SCN4B: variants seen among roughly 807,000 people sequenced by gnomAD.
SCN4B encodes the protein sodium voltage-gated channel beta subunit 4.
SCN4B carries 20 observed loss-of-function variants against 19.6 expected under a neutral mutation model. The ratio of observed to expected loss-of-function variants is 1.02; its 90% CI spans 0.72 to 1.48. The LOEUF is 1.48. Among genes scored for constraint, SCN4B ranks in the 40% most tolerant of loss-of-function variants. The pLI is 0.00. For missense variants in SCN4B, 271 were observed against 287.5 expected (o/e 0.94, Z 0.42); for synonymous variants, 127 against 122.8 (o/e 1.03, Z -0.22).
chr11:118,136,046 G>C lies in SCN4B; in HGVS notation c.*981C>G, dbSNP rs896169982. ...GTGATGGAGGGCACGGTGGGGGGGG[G>C]GGAGCGAGCCAATGGGAGGTTGGAG... On this transcript the variant is annotated 3_prime_UTR_variant, in exon 5 of 5. Coordinates refer to ENST00000324727, the MANE Select transcript of SCN4B (RefSeq NM_174934.4). 3 of 434,810 alleles carry C rather than the reference G, an allele frequency of 6.9e-6. No individual in the cohort carries two copies. The highest frequency in any genetic ancestry group is 2.1e-5 in the African/African-American group (1 of 48,738). The allele number at this position is 434,810 out of a possible 1,614,324, so 26.9% of individuals were successfully genotyped here. A position where few individuals can be genotyped will look rare whatever the true frequency, so the allele number is the denominator to read the frequency against.
Position 118,135,108 on chromosome 11 carries a change from G to A in SCN4B, c.*1919C>T, listed in dbSNP as rs1472053353. ...TTTTGCATGAAGGTAGCTATAAGAA[G>A]TTTTCTGAATGGCTGGTGGCTCTGG... On this transcript the variant is annotated 3_prime_UTR_variant, in exon 5 of 5. Transcript: ENST00000324727. The A allele has an allele frequency of 4.4e-6, 2 of 454,142 alleles. No individual in the cohort carries two copies. The highest frequency in any genetic ancestry group is 3.1e-5 in the South Asian group (2 of 64,478). 28.1% of individuals were successfully genotyped at this position (454,142 alleles called of 1,614,324 possible).
rs967575007 is a variant in SCN4B at position 118,144,936 on chromosome 11, T to TG, written c.234+120dup. 5.4e-6 allele frequency: 5 copies of TG among 924,758 alleles called. No homozygotes were observed. In the African/African-American group the frequency reaches 8.1e-5, roughly 15 times the overall value. 57.3% of individuals were successfully genotyped at this position (924,758 alleles called of 1,614,324 possible). A position where few individuals can be genotyped will look rare whatever the true frequency, so the allele number is the denominator to read the frequency against. ...CTGAAAAGAATACTGGGAGAAAGGGTGGCAAAAGGTGGGTTCTGGGGACCA... is the reference window on the plus strand; with the variant it reads ...CTGAAAAGAATACTGGGAGAAAGGGTGGGCAAAAGGTGGGTTCTGGGGACCA... On this transcript the variant is annotated intron_variant, in intron 2 of 4. Coordinates refer to ENST00000324727, the MANE Select transcript of SCN4B (RefSeq NM_174934.4).
chr11:118,133,464 A>G lies in SCN4B; in HGVS notation c.*3563T>C. On this transcript the variant is annotated 3_prime_UTR_variant, in exon 5 of 5. Coordinates refer to ENST00000324727, the MANE Select transcript of SCN4B (RefSeq NM_174934.4). ...TTGTTGTAGAGGCCAGACTGATTAT[A>G]TCCGTTCTGTGCTCGAACACAAGTC... 1 of 453,610 alleles carries G rather than the reference A, an allele frequency of 2.2e-6. No individual in the cohort carries two copies. Among genetic ancestry groups the G allele is most frequent in the South Asian group, 1.6e-5 (1 of 64,462 alleles). 28.1% of individuals were successfully genotyped at this position (453,610 alleles called of 1,614,324 possible). A position where few individuals can be genotyped will look rare whatever the true frequency, so the allele number is the denominator to read the frequency against.
rs1948093322 is a variant in SCN4B at position 118,141,219 on chromosome 11, GTCT to G, written c.578_580del (p.Lys193del). 1 of 1,612,944 alleles carries G rather than the reference GTCT, an allele frequency of 6.2e-7. No individual in the cohort carries two copies. The highest frequency in any genetic ancestry group is 8.5e-7 in the Non-Finnish European group (1 of 1,180,014). On this transcript the variant is annotated inframe_deletion, in exon 4 of 5. Coordinates refer to ENST00000324727, the MANE Select transcript of SCN4B (RefSeq NM_174934.4). Reference sequence around the variant, plus strand: ...CAGATCAACTCACTTCTTCTCCCGAGTCTTCTTCAGGATGAAGATGATGAGTTT... The same window carrying G: ...CAGATCAACTCACTTCTTCTCCCGAGTCTTCAGGATGAAGATGATGAGTTT...
At chr11:118,140,801 A>T (rs1310684648) in intron 4 of SCN4B, among the ~76,000 whole-genome samples, 1 of 152,198 alleles carries the variant, frequency 6.6e-6, no homozygotes, top group Non-Finnish European at 1.5e-5. Flanking sequence ...CCATCTCCCT[A>T]GAAGAGTTTT....
rs760330337 is a variant in SCN4B, at chr11:118,133,530, C to A, written c.*3497G>T. The A allele has an allele frequency of 1.1e-5, 5 of 454,178 alleles. No individual in the cohort carries two copies. The Admixed American group carries it at 1.2e-4, about 11-fold the overall frequency. 28.1% of individuals were successfully genotyped at this position (454,178 alleles called of 1,614,324 possible). On this transcript the variant is annotated 3_prime_UTR_variant, in exon 5 of 5. Transcript: ENST00000324727. ...GGCATCTGCGCCTCCCAGAGGCACT[C>A]GCACACCTGAGGCCTCCCAAGGCCT... is the stretch of plus-strand genomic sequence containing the variant.
intron 3 of SCN4B, chr11:118,142,643 G>A (rs921781326): frequency 6.6e-6 from 1 of 152,150 alleles, no homozygotes; most frequent in East Asian, 1.9e-4. Flanking sequence ...CTAGAATAAC[G>A]TCTGCCCCAT....
At chr11:118,145,777 C>G in intron 1 of SCN4B, 2 of 227,340 alleles carry the variant, frequency 8.8e-6, no homozygotes, top group South Asian at 5.7e-5. Context: ...AGTAGCCTCT[C>G]GTTCCCCCGC....
In SCN4B at chr11:118,133,421, A is replaced by C. The variant is rs1440833115; in HGVS notation, c.*3606T>G. 5 of 423,240 alleles carry C rather than the reference A, an allele frequency of 1.2e-5. No homozygotes were observed. The highest frequency in any genetic ancestry group is 1.0e-4 in the African/African-American group (5 of 48,952). 26.2% of individuals were successfully genotyped at this position (423,240 alleles called of 1,614,324 possible). A position where few individuals can be genotyped will look rare whatever the true frequency, so the allele number is the denominator to read the frequency against. On this transcript the variant is annotated 3_prime_UTR_variant, in exon 5 of 5. Transcript: ENST00000324727. Reference sequence around the variant, plus strand: ...TTTCATCCAAGGCAAAGCTAAATACAATTCTACAATGCAAAACTTGTTGTA... The same window carrying C: ...TTTCATCCAAGGCAAAGCTAAATACCATTCTACAATGCAAAACTTGTTGTA...
In SCN4B at chr11:118,137,014, C is replaced by T. The variant is rs766009781; in HGVS notation, c.*13G>A. Reference sequence around the variant, plus strand: ...AAGGGGGCTCCCTGCAGCTGCTCAGCCCGAAGCAGGGCTCACACTTTTGAA... The same window carrying T: ...AAGGGGGCTCCCTGCAGCTGCTCAGTCCGAAGCAGGGCTCACACTTTTGAA... On this transcript the variant is annotated 3_prime_UTR_variant, in exon 5 of 5. Transcript: ENST00000324727. 1.1e-5 allele frequency: 18 copies of T among 1,596,478 alleles called. No individual in the cohort carries two copies. The highest frequency in any genetic ancestry group is 1.5e-5 in the Non-Finnish European group (17 of 1,164,156).
rs1420418138 is a variant in SCN4B, at chr11:118,152,534, A to C, written c.61+79T>G. The C allele has an allele frequency of 4.0e-6, 5 of 1,254,324 alleles. No individual in the cohort carries two copies. In the African/African-American group the frequency reaches 5.9e-5, roughly 15 times the overall value. 77.7% of individuals were successfully genotyped at this position (1,254,324 alleles called of 1,614,324 possible). A position where few individuals can be genotyped will look rare whatever the true frequency, so the allele number is the denominator to read the frequency against. On this transcript the variant is annotated intron_variant, in intron 1 of 4. Coordinates refer to ENST00000324727, the MANE Select transcript of SCN4B (RefSeq NM_174934.4). ...CGCACTCCAAAGCCCACCCCATCCA[A>C]GGCATCTTCCTTCTCGAGTGTCCCC...
chr11:118,151,576 T>A (rs1357545722), intron 1 of SCN4B, among the ~76,000 whole-genome samples: 1 of 152,166 alleles, frequency 6.6e-6, no homozygotes, highest in Non-Finnish European at 1.5e-5. Flanking sequence ...GGCACCAACC[T>A]GCTAGATCTG....
In SCN4B at chr11:118,144,174, G is replaced by C. The variant is rs1232273984; in HGVS notation, c.235-113C>G. 5 of 750,554 alleles carry C rather than the reference G, an allele frequency of 6.7e-6. No homozygotes were observed. In the Admixed American group the frequency reaches 9.3e-5, roughly 14 times the overall value. The allele number at this position is 750,554 out of a possible 1,614,324, so 46.5% of individuals were successfully genotyped here. On this transcript the variant is annotated intron_variant, in intron 2 of 4. Coordinates refer to ENST00000324727, the MANE Select transcript of SCN4B (RefSeq NM_174934.4). The stretch of plus-strand genomic sequence containing the variant: ...TGGATGCCTCCCCTGTCCAGGACCA[G>C]GAAGAGCCTGTAGTCACGCCCTGCT...
chr11:118,136,514 G>A lies in SCN4B; in HGVS notation c.*513C>T, dbSNP rs887303150. On this transcript the variant is annotated 3_prime_UTR_variant, in exon 5 of 5. Coordinates refer to ENST00000324727, the MANE Select transcript of SCN4B (RefSeq NM_174934.4). ...TCTGGTATCCTATGAAGCAGAGGCA[G>A]TCTCTCACTGTGGGCCTGCCCCCAT... is the stretch of plus-strand genomic sequence containing the variant. 4 of 453,914 alleles carry A rather than the reference G, an allele frequency of 8.8e-6. No individual in the cohort carries two copies. The highest frequency in any genetic ancestry group is 1.8e-5 in the Non-Finnish European group (4 of 226,790). 28.1% of individuals were successfully genotyped at this position (453,914 alleles called of 1,614,324 possible).
At chr11:118,147,356 A>G (rs1176972951) in intron 1 of SCN4B, among the ~76,000 whole-genome samples, 1 of 152,188 alleles carries the variant, frequency 6.6e-6, no homozygotes, top group Non-Finnish European at 1.5e-5. Flanking sequence ...AACCCTCATC[A>G]TAATCCTATA....
Position 118,143,941 on chromosome 11 carries a change from T to C in SCN4B, c.355A>G (p.Arg119Gly). Residue 119 changes from arginine to glycine, a missense_variant, in exon 3 of 5, where the codon AGG becomes GGG. Transcript: ENST00000324727. Reference protein sequence around the residue: ...EKMNNISIVLRDLEFSDTGKY... With the variant: ...EKMNNISIVLGDLEFSDTGKY... ...CCCGTGTCGCTGAACTCCAGGTCCCTCAGCACAATGGAAATGTTGTTCATC... is the reference window on the plus strand; with the variant it reads ...CCCGTGTCGCTGAACTCCAGGTCCCCCAGCACAATGGAAATGTTGTTCATC... 1 of 1,614,138 alleles carries C rather than the reference T, an allele frequency of 6.2e-7. No individual in the cohort carries two copies.
At position 118,148,194 on chromosome 11, in the gene SCN4B, C is replaced by A. The variant is rs1341185213; in HGVS notation, c.62-2965G>T. On this transcript the variant is annotated intron_variant, in intron 1 of 4. Transcript: ENST00000324727. The surrounding 1 kb of genome is among the most constrained non-coding windows in gnomAD (Gnocchi z 4.0). ...GAAATGGTTTCACAGAGTCCAGAGC[C>A]CTGCCCGAGTGAAAGCATCAGAGAG... 4.6e-5 allele frequency among the ~76,000 whole-genome samples: 7 copies of A among 152,282 alleles called. No individual in the cohort carries two copies. The highest frequency in any genetic ancestry group is 1.7e-4 in the African/African-American group (7 of 41,542).
At position 118,135,275 on chromosome 11, in the gene SCN4B, C is replaced by T. The variant is rs543094363; in HGVS notation, c.*1752G>A. The T allele has an allele frequency of 1.8e-5, 8 of 453,972 alleles. No individual in the cohort carries two copies. The highest frequency in any genetic ancestry group is 4.7e-5 in the Admixed American group (2 of 42,562). 28.1% of individuals were successfully genotyped at this position (453,972 alleles called of 1,614,324 possible). On this transcript the variant is annotated 3_prime_UTR_variant, in exon 5 of 5. Transcript: ENST00000324727. ...GGCTAAGGGACACTGGCCACAGCCA[C>T]GGGCACCCTGCAGGTACTACTGGTC...
At position 118,133,506 on chromosome 11, in the gene SCN4B, G is replaced by A. The variant is rs1305397664; in HGVS notation, c.*3521C>T. On this transcript the variant is annotated 3_prime_UTR_variant, in exon 5 of 5. Transcript: ENST00000324727. ...ACACAAGTCAGTGCTGGCTGTGTGG[G>A]CATCTGCGCCTCCCAGAGGCACTCG... 6 of 454,086 alleles carry A rather than the reference G, an allele frequency of 1.3e-5. No individual in the cohort carries two copies. Among genetic ancestry groups the A allele is most frequent in the Non-Finnish European group, 2.6e-5 (6 of 226,808 alleles). The allele number at this position is 454,086 out of a possible 1,614,324, so 28.1% of individuals were successfully genotyped here.
Sources: allele counts gnomAD v4.1 joint callset (sites outside exome capture counted in the v4.1 genomes callset), GRCh38; gene constraint gnomAD v4.1.1; non-coding constraint Gnocchi (gnomAD v3.1); transcripts MANE v1.5; gene names NCBI Gene and HGNC (gene_info 2026-07-23, HGNC 2026-07-21).